NAA11: variants seen among roughly 807,000 people sequenced by gnomAD.
The protein encoded by NAA11 is N-alpha-acetyltransferase 11.
In NAA11, 15 loss-of-function variants were observed where a neutral mutation model predicts 16.1. The observed-to-expected ratio is 0.93, with a 90% confidence interval of 0.62 to 1.44. NAA11 has a LOEUF of 1.44. NAA11 is among the 40% of genes most tolerant of loss of function. The pLI is 0.00. For synonymous variants in NAA11, 122 were observed against 112.4 expected (o/e 1.09, Z -0.54); for missense variants, 298 against 291.3 (o/e 1.02, Z -0.17).
chr4:79,256,269 T>C (rs529801265), intron 2 of NAA11, among the ~76,000 whole-genome samples: 3 of 152,214 alleles, frequency 2.0e-5, no homozygotes, highest in Non-Finnish European at 4.4e-5. Flanking sequence ...TTATACTATT[T>C]ATTTCACGTA....
chr4:79,248,611 C>G (rs549580957), intron 2 of NAA11, among the ~76,000 whole-genome samples: 1 of 152,220 alleles, frequency 6.6e-6, no homozygotes, highest in African/African-American at 2.4e-5. Flanking sequence ...TTGATACCAC[C>G]GGCACAAACC....
chr4:79,220,437 CTGTGTG>C, the NAA11 span, among the ~76,000 whole-genome samples: 923 of 143,028 alleles, frequency 6.5e-3, 10 homozygotes, highest in African/African-American at 0.02. Context: ...GTGTGTGTGT[CTGTGTG>C]TGTGTGTGTG....
chr4:79,195,191 T>C, the NAA11 span, among the ~76,000 whole-genome samples: 6 of 152,078 alleles, frequency 3.9e-5, no homozygotes, highest in African/African-American at 1.4e-4. Context: ...GGACTGTAAC[T>C]ACTAAAACAA....
the NAA11 span, among the ~76,000 whole-genome samples, chr4:79,174,743 A>G: frequency 6.6e-6 from 1 of 152,106 alleles, no homozygotes; most frequent in African/African-American, 2.4e-5. Context: ...AATAAGGGAA[A>G]ATCACATTAG....
the NAA11 span, among the ~76,000 whole-genome samples, chr4:79,169,861 C>G: frequency 6.6e-6 from 1 of 152,122 alleles, no homozygotes; most frequent in Non-Finnish European, 1.5e-5. Flanking sequence ...GGAGATGACA[C>G]GAATTGTATG....
the NAA11 span, among the ~76,000 whole-genome samples, chr4:79,218,292 T>G: frequency 6.6e-6 from 1 of 152,066 alleles, no homozygotes; most frequent in African/African-American, 2.4e-5. Flanking sequence ...CACCTTCATA[T>G]TCCCCATTTT....
At chr4:79,276,340 AT>A (rs1252866017) in intron 2 of NAA11, among the ~76,000 whole-genome samples, 1 of 152,144 alleles carries the variant, frequency 6.6e-6, no homozygotes. Context: ...AGACAGGTAT[AT>A]GATACTATAA....
intron 1 of NAA11, among the ~76,000 whole-genome samples, chr4:79,299,929 GT>G (rs11332553): frequency 0.6 from 91,130 of 152,020 alleles, 28,826 homozygotes; most frequent in African/African-American, 0.8. Flanking sequence ...ACAGGTGCTA[GT>G]TAAGTCTGAA....
the NAA11 span, among the ~76,000 whole-genome samples, chr4:79,210,401 C>T: frequency 6.6e-6 from 1 of 152,130 alleles, no homozygotes; most frequent in East Asian, 1.9e-4. Flanking sequence ...CAGGAACTAG[C>T]TGTTTTTTCT....
rs200338921 is a variant in NAA11, at chr4:79,294,971, TA to T, written c.*13-858del. ...TGATATGGATATAGTAGGTGTTTAA[TA>T]AATATTTGCTGTGTGAATAAATTGC... is the stretch of plus-strand genomic sequence containing the variant. On this transcript the variant is annotated intron_variant and NMD_transcript_variant, in intron 1 of 2. Transcript: ENST00000511542. Among the ~76,000 whole-genome samples the T allele has an allele frequency of 6.2e-3, 942 of 152,346 alleles. 9 individuals carry two copies. The highest frequency in any genetic ancestry group is 0.022 in the African/African-American group (898 of 41,584).
the NAA11 span, among the ~76,000 whole-genome samples, chr4:79,181,248 TA>T: frequency 6.7e-6 from 1 of 148,386 alleles, no homozygotes; most frequent in East Asian, 2.0e-4. Flanking sequence ...AAAAAAGCCA[TA>T]CAGCCTTTGT....
At chr4:79,209,634 G>A in the NAA11 span, among the ~76,000 whole-genome samples, 1 of 151,982 alleles carries the variant, frequency 6.6e-6, no homozygotes. Flanking sequence ...GGAAAAAAAG[G>A]ATTTTTTTTT....
the NAA11 span, among the ~76,000 whole-genome samples, chr4:79,210,345 C>CATGTTACAAGGGTAGA: frequency 6.6e-6 from 1 of 152,090 alleles, no homozygotes; most frequent in African/African-American, 2.4e-5. Flanking sequence ...TAGGGTAGAG[C>CATGTTACAAGGGTAGA]ATGTTACAAG....
At chr4:79,181,561 A>T in the NAA11 span, among the ~76,000 whole-genome samples, 4 of 152,204 alleles carry the variant, frequency 2.6e-5, no homozygotes, top group Non-Finnish European at 5.9e-5. Flanking sequence ...CTAAGAGACC[A>T]TAAGGTGGTT....
At chr4:79,316,226 G>C (rs1233907222), downstream of NAA11, among the ~76,000 whole-genome samples, 1 of 152,050 alleles carries the variant, frequency 6.6e-6, no homozygotes, top group African/African-American at 2.4e-5. Flanking sequence ...TTAGAAAGCT[G>C]TAATATTTAA....
intron 1 of NAA11, among the ~76,000 whole-genome samples, chr4:79,311,236 A>G (rs978660348): frequency 7.2e-5 from 11 of 152,224 alleles, no homozygotes; most frequent in African/African-American, 2.7e-4. Context: ...AATTTAAACT[A>G]TAAATACAGT....
rs1262684496 is a variant in NAA11 at position 79,244,648 on chromosome 4, G to T, written c.*123-18378C>A. The T allele has an allele frequency of 2.6e-4, 2 of 7,684 alleles. 1 individual carries two copies. The highest frequency in any genetic ancestry group is 2.8e-3 in the Admixed American group (2 of 706). 0.5% of individuals were successfully genotyped at this position (7,684 alleles called of 1,614,324 possible). A position where few individuals can be genotyped will look rare whatever the true frequency, so the allele number is the denominator to read the frequency against. On this transcript the variant is annotated intron_variant and NMD_transcript_variant, in intron 2 of 2. Transcript: ENST00000511542. ...CCTCCCCCTCCCCCTCCCCGTCTCC[G>T]TCTCCCGCTTTCCACGGTCTCCCTC...
intron 2 of NAA11, among the ~76,000 whole-genome samples, chr4:79,230,281 G>T (rs939512073): frequency 2.6e-5 from 4 of 151,820 alleles, no homozygotes; most frequent in Non-Finnish European, 4.4e-5. Flanking sequence ...TTGTGGGGTG[G>T]GGGGAGAGGG....
the NAA11 span, among the ~76,000 whole-genome samples, chr4:79,216,505 A>G: frequency 6.6e-6 from 1 of 152,126 alleles, no homozygotes; most frequent in African/African-American, 2.4e-5. Flanking sequence ...TCTTTAATAA[A>G]TTCATCAAAT....
Sources: allele counts gnomAD v4.1 joint callset (sites outside exome capture counted in the v4.1 genomes callset), GRCh38; gene constraint gnomAD v4.1.1; transcripts MANE v1.5; gene names NCBI Gene and HGNC (gene_info 2026-07-23, HGNC 2026-07-21).